Variants in SGMS1 observed in about 807,000 individuals in gnomAD.
The protein encoded by SGMS1 is phosphatidylcholine:ceramide cholinephosphotransferase 1.
SGMS1 carries 13 observed loss-of-function variants against 46.2 expected under a neutral mutation model. That is an observed-to-expected ratio of 0.28 (90% CI 0.18 to 0.45). The LOEUF is 0.45. Among genes scored for constraint, SGMS1 ranks in the 20% least tolerant of loss-of-function variants. The pLI is 1.00. For missense variants in SGMS1, 324 were observed against 519.9 expected (o/e 0.62, Z 3.66); for synonymous variants, 203 against 187.8 (o/e 1.08, Z -0.66).
Position 50,464,622 on chromosome 10 carries a change from C to T in SGMS1, c.-455+2268G>A, listed in dbSNP as rs554677091. ...TAATTTTTGTATTTTTTGGTAGAGA[C>T]GGGGTTTCGCCATGTTGGCCAGGCT... On this transcript the variant is annotated intron_variant, in intron 4 of 10. Coordinates refer to ENST00000361781, the MANE Select transcript of SGMS1 (RefSeq NM_147156.4). 3.9e-4 allele frequency among the ~76,000 whole-genome samples: 60 copies of T among 152,238 alleles called. No individual in the cohort carries two copies. The South Asian group carries it at 0.012, about 29-fold the overall frequency.
chr10:50,415,043 C>G (rs1849150362), intron 6 of SGMS1, among the ~76,000 whole-genome samples: 1 of 152,198 alleles, frequency 6.6e-6, no homozygotes. Context: ...ATGGCGTCAA[C>G]CCGGGAGGCG....
chr10:50,319,177 A>G (rs987442706), intron 8 of SGMS1, among the ~76,000 whole-genome samples: 2 of 151,928 alleles, frequency 1.3e-5, no homozygotes, highest in African/African-American at 4.8e-5. Context: ...AAAAAAAAAA[A>G]AAAATTGCCC....
At chr10:50,619,290 C>G (rs1020008477) in intron 1 of SGMS1, among the ~76,000 whole-genome samples, 2 of 152,136 alleles carry the variant, frequency 1.3e-5, no homozygotes, top group Non-Finnish European at 2.9e-5. Flanking sequence ...AGGCAACGCA[C>G]TAGATAAACC....
chr10:50,574,966 T>TATATATATAC lies in SGMS1; in HGVS notation c.-589+15186_-589+15187insGTATATATAT, dbSNP rs1296086889. ...CATTTTAAAAGGAAAATGTGGTGTATATATATATATATATATATAAAACAA... is the reference window on the plus strand; with the variant it reads ...CATTTTAAAAGGAAAATGTGGTGTATATATATATACATATATATATATATATATAAAACAA... On this transcript the variant is annotated intron_variant, in intron 2 of 10. Coordinates refer to ENST00000361781, the MANE Select transcript of SGMS1 (RefSeq NM_147156.4). Among the ~76,000 whole-genome samples the TATATATATAC allele has an allele frequency of 2.4e-3, 341 of 139,256 alleles. 9 individuals are homozygous for TATATATATAC. Among genetic ancestry groups the TATATATATAC allele is most frequent in the Non-Finnish European group, 3.9e-3 (248 of 63,040 alleles). The allele number at this position is 139,256 out of a possible 152,430, so 91.4% of individuals were successfully genotyped here.
intron 1 of SGMS1, among the ~76,000 whole-genome samples, chr10:50,612,587 C>T (rs543275928): frequency 6.6e-6 from 1 of 152,268 alleles, no homozygotes; most frequent in East Asian, 1.9e-4. Context: ...TAAAATAAAA[C>T]TTTGTTTTTA....
intron 2 of SGMS1, among the ~76,000 whole-genome samples, chr10:50,568,013 G>T (rs1200700119): frequency 6.6e-6 from 1 of 152,134 alleles, no homozygotes; most frequent in African/African-American, 2.4e-5. Flanking sequence ...GGGGGAGGGG[G>T]TTGGGGACAT....
At chr10:50,589,607 C>A (rs1231065926) in intron 2 of SGMS1, among the ~76,000 whole-genome samples, 1 of 151,968 alleles carries the variant, frequency 6.6e-6, no homozygotes. Context: ...ATAGCTGGGA[C>A]CACAGGTGTG....
intron 6 of SGMS1, among the ~76,000 whole-genome samples, chr10:50,353,629 G>C (rs1589401463): frequency 6.6e-6 from 1 of 152,296 alleles, no homozygotes; most frequent in Non-Finnish European, 1.5e-5. Flanking sequence ...TATTCAATTA[G>C]GAAAAGAGGA....
At chr10:50,485,207 A>G (rs984898819) in intron 3 of SGMS1, among the ~76,000 whole-genome samples, 10 of 152,220 alleles carry the variant, frequency 6.6e-5, no homozygotes, top group African/African-American at 2.4e-4. Context: ...ATCTCAGGAT[A>G]CAAAATCAAT....
chr10:50,596,015 A>G (rs1838588565), intron 1 of SGMS1, among the ~76,000 whole-genome samples: 1 of 152,242 alleles, frequency 6.6e-6, no homozygotes, highest in Non-Finnish European at 1.5e-5. Context: ...CATCAGATGT[A>G]TGCTTGGCAA....
At chr10:50,576,216 A>C (rs759058223) in intron 2 of SGMS1, among the ~76,000 whole-genome samples, 7 of 152,216 alleles carry the variant, frequency 4.6e-5, no homozygotes, top group Non-Finnish European at 1.0e-4. Flanking sequence ...CTCACCCTGC[A>C]GGTGAGACCC....
At chr10:50,567,856 C>A (rs1314126732) in intron 2 of SGMS1, among the ~76,000 whole-genome samples, 1 of 152,184 alleles carries the variant, frequency 6.6e-6, no homozygotes, top group Non-Finnish European at 1.5e-5. Context: ...TCAAACAATC[C>A]TTGGATTTCA....
At chr10:50,494,808 G>A (rs535323672) in intron 3 of SGMS1, among the ~76,000 whole-genome samples, 91 of 152,044 alleles carry the variant, frequency 6.0e-4, no homozygotes, top group Non-Finnish European at 1.2e-3. Context: ...AGGCCGAGGC[G>A]GGCGGATCAC....
intron 6 of SGMS1, among the ~76,000 whole-genome samples, chr10:50,373,632 C>T (rs184810123): frequency 5.3e-5 from 8 of 152,134 alleles, no homozygotes; most frequent in Admixed American, 1.3e-4. Flanking sequence ...AGGAAAAATA[C>T]GGATTTAATT....
At chr10:50,438,248 C>T (rs1215983160) in intron 5 of SGMS1, among the ~76,000 whole-genome samples, 1 of 152,166 alleles carries the variant, frequency 6.6e-6, no homozygotes, top group East Asian at 1.9e-4. Flanking sequence ...TTGCTTGTAG[C>T]CAATAGAATA....
chr10:50,453,360 T>C (rs1380866157), intron 5 of SGMS1, among the ~76,000 whole-genome samples: 1 of 151,896 alleles, frequency 6.6e-6, no homozygotes, highest in Non-Finnish European at 1.5e-5. Context: ...TAAGCACCTA[T>C]GTACTAAGTA....
chr10:50,327,350 T>C, intron 7 of SGMS1, 28 bp from the exon 8 acceptor site: 1 of 1,306,996 alleles, frequency 7.7e-7, no homozygotes, highest in Non-Finnish European at 1.1e-6. Flanking sequence ...CAGGGCAGAT[T>C]CTCAGTCAAG....
chr10:50,568,376 A>T (rs1838308393), intron 2 of SGMS1, among the ~76,000 whole-genome samples: 1 of 152,188 alleles, frequency 6.6e-6, no homozygotes, highest in African/African-American at 2.4e-5. Flanking sequence ...AGAACAAAAC[A>T]ACATTATTTT....
At chr10:50,571,170 A>T (rs1032220586) in intron 2 of SGMS1, among the ~76,000 whole-genome samples, 2 of 152,190 alleles carry the variant, frequency 1.3e-5, no homozygotes, top group Admixed American at 6.6e-5. Flanking sequence ...TGCCTAATAA[A>T]TTTTTTTATA....
Sources: gnomAD v4.1 joint callset for allele counts (sites outside exome capture counted in the v4.1 genomes callset) on GRCh38, gnomAD v4.1.1 for gene constraint, MANE v1.5 for transcripts, NCBI Gene and HGNC (gene_info 2026-07-23, HGNC 2026-07-21) for gene names.